The following CLEC17A variants were observed in gnomAD, a reference collection of about 807,000 sequenced individuals.
The protein encoded by CLEC17A is C-type lectin domain family 17, member A.
A neutral mutation model predicts 61.3 loss-of-function variants in CLEC17A; 37 were observed. The ratio of observed to expected loss-of-function variants is 0.60; its 90% CI spans 0.46 to 0.79. The LOEUF (loss-of-function observed/expected upper bound fraction) is 0.79, where lower values mean the gene tolerates loss of function less well. Among genes scored for constraint, CLEC17A ranks in the 30% least tolerant of loss-of-function variants. The probability of loss-of-function intolerance (pLI) is 0.00; values close to 1 mark genes in which losing one functional copy is unlikely to be tolerated. For synonymous variants in CLEC17A, 168 were observed against 164.9 expected (o/e 1.02, Z -0.14); for missense variants, 418 against 464.7 (o/e 0.90, Z 0.92).
Position 14,609,019 on chromosome 19 carries a change from C to T in CLEC17A, c.1005-1045C>T, listed in dbSNP as rs576143040. On this transcript the variant is annotated intron_variant, in intron 13 of 13. Coordinates refer to ENST00000417570, the MANE Select transcript of CLEC17A (RefSeq NM_001204118.2). The stretch of plus-strand genomic sequence containing the variant: ...TTCAACATGTTGGCCAGGCTGGTCT[C>T]GAAATCCTGACCTCAGGTGATCTAC... Among the ~76,000 whole-genome samples, 115 of 152,072 alleles carry T rather than the reference C, an allele frequency of 7.6e-4. 2 individuals carry two copies. The highest frequency in any genetic ancestry group is 2.4e-3 in the African/African-American group (101 of 41,490).
In CLEC17A at chr19:14,612,034, T is replaced by A. The variant is rs758487169; in HGVS notation, c.*1838T>A. On this transcript the variant is annotated 3_prime_UTR_variant, in exon 14 of 14. Transcript: ENST00000417570. The stretch of plus-strand genomic sequence containing the variant: ...AATAAATAAAAATAAAAATTCACTT[T>A]ACTTCTGTGTGGACTTTCCTGGGCT... 6.6e-6 allele frequency among the ~76,000 whole-genome samples: 1 copy of A among 152,054 alleles called. No individual in the cohort carries two copies. The highest frequency in any genetic ancestry group is 2.1e-4 in the South Asian group (1 of 4,822).
At chr19:14,599,654 TC>T in intron 10 of CLEC17A, 62 bp from the exon 11 acceptor site, 1 of 1,149,418 alleles carries the variant, frequency 8.7e-7, no homozygotes, top group Non-Finnish European at 1.3e-6. Context: ...GTGTCTGCAG[TC>T]CGTGGTGGAT....
chr19:14,606,952 A>G, intron 12 of CLEC17A, 41 bp from the exon 13 acceptor site: 2 of 1,089,746 alleles, frequency 1.8e-6, no homozygotes, highest in Admixed American at 3.9e-5. Context: ...CCTGAGGGTC[A>G]TGTAGAGGAA....
Position 14,591,893 on chromosome 19 carries a change from G to A in CLEC17A, c.200-388G>A, listed in dbSNP as rs576940657. On this transcript the variant is annotated intron_variant, in intron 3 of 13. Transcript: ENST00000417570. Reference sequence around the variant, plus strand: ...TCCGTGTGTGAATCCAAACTCCGGAGAAAAATGTGTGTGTGTGTGTGTGTG... The same window carrying A: ...TCCGTGTGTGAATCCAAACTCCGGAAAAAAATGTGTGTGTGTGTGTGTGTG... 2.5e-5 allele frequency among the ~76,000 whole-genome samples: 3 copies of A among 120,070 alleles called. No homozygotes were observed. In the East Asian group the frequency reaches 6.1e-4, roughly 25 times the overall value. 78.8% of individuals were successfully genotyped at this position (120,070 alleles called of 152,430 possible). A position where few individuals can be genotyped will look rare whatever the true frequency, so the allele number is the denominator to read the frequency against.
rs778980465 is a variant in CLEC17A at position 14,599,628 on chromosome 19, T to C, written c.647-89T>C. Reference sequence around the variant, plus strand: ...TGGACACAGTGGGGAACACAACCCTTGCTTCTCTCTCTGATGTGTCTGCAG... The same window carrying C: ...TGGACACAGTGGGGAACACAACCCTCGCTTCTCTCTCTGATGTGTCTGCAG... On this transcript the variant is annotated intron_variant, in intron 10 of 13. Coordinates refer to ENST00000417570, the MANE Select transcript of CLEC17A (RefSeq NM_001204118.2). 387 of 914,068 alleles carry C rather than the reference T, an allele frequency of 4.2e-4. 5 individuals are homozygous for C. The highest frequency in any genetic ancestry group is 2.0e-4 in the Non-Finnish European group (111 of 560,226). The allele number at this position is 914,068 out of a possible 1,614,324, so 56.6% of individuals were successfully genotyped here. A position where few individuals can be genotyped will look rare whatever the true frequency, so the allele number is the denominator to read the frequency against.
intron 10 of CLEC17A, among the ~76,000 whole-genome samples, chr19:14,597,739 A>G (rs2074583868): frequency 6.6e-6 from 1 of 152,086 alleles, no homozygotes; most frequent in Non-Finnish European, 1.5e-5. Context: ...TAGCTGGGAC[A>G]TAGGCGCATG....
chr19:14,584,313 C>A (rs2074237713), intron 2 of CLEC17A: 1 of 152,142 alleles, frequency 6.6e-6, no homozygotes, highest in African/African-American at 2.4e-5. Context: ...CAGTTCGACA[C>A]CCCCAAGCTG....
chr19:14,593,988 C>A (rs546297822), intron 4 of CLEC17A, among the ~76,000 whole-genome samples: 2,835 of 128,972 alleles, frequency 0.022, 105 homozygotes, highest in African/African-American at 0.1. Flanking sequence ...AACAAACAAA[C>A]AAACAAAAAC....
chr19:14,591,255 C>G (rs1260546924), intron 3 of CLEC17A, among the ~76,000 whole-genome samples: 3 of 139,030 alleles, frequency 2.2e-5, no homozygotes, highest in East Asian at 2.3e-4. Flanking sequence ...CCCAGGTTCA[C>G]GCCATTCTCC....
At chr19:14,607,553 A>T (rs1164550111) in intron 13 of CLEC17A, among the ~76,000 whole-genome samples, 6 of 93,572 alleles carry the variant, frequency 6.4e-5, no homozygotes, top group East Asian at 7.3e-4. Flanking sequence ...TTATTTTATT[A>T]TTTATTTATT....
intron 13 of CLEC17A, among the ~76,000 whole-genome samples, chr19:14,608,034 C>T (rs1040067621): frequency 1.3e-5 from 2 of 152,022 alleles, no homozygotes; most frequent in African/African-American, 4.8e-5. Context: ...CCATGCCTGG[C>T]TAATTTTTTG....
rs71166767 is a variant in CLEC17A, at chr19:14,611,371, CTTTT to C, written c.*1196_*1199del. On this transcript the variant is annotated 3_prime_UTR_variant, in exon 14 of 14. Coordinates refer to ENST00000417570, the MANE Select transcript of CLEC17A (RefSeq NM_001204118.2). ...AGACTTGGCCCGTGGAACTTCTATC[CTTTT>C]TTTTTTTTTTTTTTTTTTTTGAGAT... Among the ~76,000 whole-genome samples the C allele has an allele frequency of 3.9e-5, 3 of 75,954 alleles. No individual in the cohort carries two copies. The highest frequency in any genetic ancestry group is 7.6e-5 in the Non-Finnish European group (3 of 39,554). The allele number at this position is 75,954 out of a possible 152,430, so 49.8% of individuals were successfully genotyped here. A position where few individuals can be genotyped will look rare whatever the true frequency, so the allele number is the denominator to read the frequency against.
intron 13 of CLEC17A, among the ~76,000 whole-genome samples, chr19:14,607,341 C>T (rs187226736): frequency 2.7e-5 from 4 of 150,906 alleles, no homozygotes; most frequent in South Asian, 4.2e-4. Context: ...GTGGCTGGGA[C>T]TACAGGTGCC....
intron 10 of CLEC17A, among the ~76,000 whole-genome samples, chr19:14,598,147 G>T (rs891112353): frequency 3.3e-5 from 5 of 150,760 alleles, no homozygotes; most frequent in Non-Finnish European, 5.9e-5. Flanking sequence ...GAAACCTTTA[G>T]CTTGGCATTC....
intron 2 of CLEC17A, among the ~76,000 whole-genome samples, chr19:14,585,721 C>T (rs540726710): frequency 0.042 from 6,157 of 146,622 alleles, 329 homozygotes; most frequent in African/African-American, 0.15. Context: ...CCCAGTCAAG[C>T]CTGCAGATGA....
chr19:14,599,759 C>A lies in CLEC17A; in HGVS notation c.689C>A (p.Ala230Asp), dbSNP rs200596379. Residue 230 changes from alanine (A) to aspartate (D), a missense_variant, in exon 11 of 14, where the codon GCC (alanine) becomes GAC (aspartate). Physicochemically the swap from Ala to Asp is moderately radical, Grantham distance 126. Transcript: ENST00000417570. ...AGLAGLKHDI[A>D]RVRADTNQSL... ...CTAGCTGGCCTGAAGCATGACATTG[C>A]CCGTGTAAGAGCTGACACCAACCAG... The A allele has an allele frequency of 2.5e-6, 4 of 1,613,728 alleles. No individual in the cohort carries two copies. The highest frequency in any genetic ancestry group is 3.4e-6 in the Non-Finnish European group (4 of 1,179,848).
At chr19:14,591,451 G>A (rs936770006) in intron 3 of CLEC17A, among the ~76,000 whole-genome samples, 3 of 145,156 alleles carry the variant, frequency 2.1e-5, no homozygotes, top group African/African-American at 7.7e-5. Flanking sequence ...ACCGCGCCTG[G>A]CCCTTTTTTT....
chr19:14,600,262 C>G, intron 12 of CLEC17A, 80 bp downstream of exon 12: 1 of 1,510,172 alleles, frequency 6.6e-7, no homozygotes, highest in Non-Finnish European at 9.0e-7. Context: ...CCCTCCCTTC[C>G]CTGGATGGCA....
chr19:14,595,945 G>A, intron 8 of CLEC17A, among the ~76,000 whole-genome samples: 2 of 105,950 alleles, frequency 1.9e-5, no homozygotes, highest in African/African-American at 6.3e-5. Flanking sequence ...TGATAGTAGA[G>A]GCAGTGATGG....
Sources: allele counts gnomAD v4.1 joint callset (sites outside exome capture counted in the v4.1 genomes callset), GRCh38; gene constraint gnomAD v4.1.1; transcripts MANE v1.5; gene names NCBI Gene and HGNC (gene_info 2026-07-23, HGNC 2026-07-21).